Variants in CDC14A observed in about 807,000 individuals in gnomAD.
CDC14A encodes the protein dual specificity protein phosphatase CDC14A.
A neutral mutation model predicts 74.4 loss-of-function variants in CDC14A; 53 were observed. The ratio of observed to expected loss-of-function variants is 0.71; its 90% CI spans 0.57 to 0.89. The LOEUF is 0.89. Among genes scored for constraint, CDC14A ranks in the 40% least tolerant of loss-of-function variants. The pLI, the probability that CDC14A is intolerant of heterozygous loss-of-function variation, is 0.00. For synonymous variants in CDC14A, 247 were observed against 258.4 expected (o/e 0.96, Z 0.43); for missense variants, 646 against 713.7 (o/e 0.91, Z 1.08).
At chr1:100,351,726 G>C (rs1651029470), upstream of CDC14A, 5 of 1,549,530 alleles carry the variant, frequency 3.2e-6, no homozygotes, top group African/African-American at 4.1e-5. Context: ...GCTCACATTG[G>C]CGGCCCAGAT....
intron 15 of CDC14A, chr1:100,504,970 A>T: frequency 6.7e-7 from 1 of 1,498,510 alleles, no homozygotes; most frequent in East Asian, 2.5e-5. Context: ...TTAATACTTT[A>T]TTTTATCATG....
At chr1:100,362,860 A>G (rs948612538) in intron 2 of CDC14A, among the ~76,000 whole-genome samples, 7 of 152,316 alleles carry the variant, frequency 4.6e-5, no homozygotes, top group East Asian at 1.9e-4. Context: ...AAGATTAACA[A>G]TAGGTACACG....
chr1:100,406,739 G>A (rs1285378892), intron 4 of CDC14A, among the ~76,000 whole-genome samples: 2 of 151,990 alleles, frequency 1.3e-5, no homozygotes, highest in Admixed American at 6.6e-5. Flanking sequence ...GCCTGGCCAA[G>A]TGGTAAAACC....
intron 8 of CDC14A, among the ~76,000 whole-genome samples, chr1:100,460,017 G>A (rs1262089252): frequency 2.0e-5 from 3 of 152,194 alleles, no homozygotes; most frequent in African/African-American, 7.2e-5. Context: ...CAGCATGGGT[G>A]TTGGAATCTG....
chr1:100,504,543 A>G (rs2101461517), intron 15 of CDC14A, among the ~76,000 whole-genome samples: 1 of 152,362 alleles, frequency 6.6e-6, no homozygotes, highest in East Asian at 1.9e-4. Flanking sequence ...CTAATATTAA[A>G]TAAAACTTTA....
At chr1:100,412,696 T>TTATA (rs139550432) in intron 4 of CDC14A, among the ~76,000 whole-genome samples, 1,686 of 74,064 alleles carry the variant, frequency 0.023, 112 homozygotes, top group African/African-American at 0.069. Context: ...CCTGTATGTT[T>TTATA]TATATATATA....
intron 3 of CDC14A, among the ~76,000 whole-genome samples, chr1:100,385,939 A>G (rs1244525591): frequency 6.6e-6 from 1 of 152,104 alleles, no homozygotes; most frequent in Non-Finnish European, 1.5e-5. Flanking sequence ...GGTCGGGGTG[A>G]GCAGATCACT....
intron 10 of CDC14A, among the ~76,000 whole-genome samples, chr1:100,480,443 A>G (rs764687873): frequency 6.6e-6 from 1 of 152,188 alleles, no homozygotes; most frequent in Non-Finnish European, 1.5e-5. Context: ...GAATAATGCA[A>G]CTGTTCTGAA....
chr1:100,355,992 C>G (rs2100879490), intron 2 of CDC14A, among the ~76,000 whole-genome samples: 1 of 152,226 alleles, frequency 6.6e-6, no homozygotes, highest in East Asian at 1.9e-4. Context: ...TGGACAAGGT[C>G]TTATCAGGCA....
intron 6 of CDC14A, 21 bp downstream of exon 6, chr1:100,440,019 T>G: frequency 6.4e-7 from 1 of 1,565,220 alleles, no homozygotes; most frequent in Non-Finnish European, 8.8e-7. Flanking sequence ...TTCTCCTTGC[T>G]GTAGTTGACA....
chr1:100,394,430 T>C (rs988862655), intron 4 of CDC14A, among the ~76,000 whole-genome samples: 3 of 152,224 alleles, frequency 2.0e-5, no homozygotes, highest in Non-Finnish European at 4.4e-5. Context: ...TTCTTTCCTT[T>C]TTAACACCTA....
chr1:100,464,846 A>G (rs72974069), intron 9 of CDC14A, among the ~76,000 whole-genome samples: 1 of 151,872 alleles, frequency 6.6e-6, no homozygotes, highest in African/African-American at 2.4e-5. Context: ...TATTTTCTCT[A>G]TATCCTTGAC....
intron 4 of CDC14A, among the ~76,000 whole-genome samples, chr1:100,404,771 A>T (rs989550120): frequency 6.6e-6 from 1 of 152,210 alleles, no homozygotes. Flanking sequence ...CGGAGCTTGC[A>T]GTGAGCTGAG....
upstream of CDC14A, chr1:100,351,808 G>GGTAT (rs1404720678): frequency 5.8e-6 from 9 of 1,549,930 alleles, no homozygotes; most frequent in Admixed American, 1.2e-4. Context: ...ATCAGAGTCT[G>GGTAT]GTATGTGTAG....
At chr1:100,432,225 C>T (rs1274872838) in intron 5 of CDC14A, among the ~76,000 whole-genome samples, 4 of 152,230 alleles carry the variant, frequency 2.6e-5, no homozygotes, top group East Asian at 1.9e-4. Flanking sequence ...AATACAGTTT[C>T]GTCTTGTAGG....
At chr1:100,492,145 A>T (rs1440637703) in intron 11 of CDC14A, among the ~76,000 whole-genome samples, 1 of 152,210 alleles carries the variant, frequency 6.6e-6, no homozygotes, top group Non-Finnish European at 1.5e-5. Flanking sequence ...TAAGATTCAC[A>T]ATAGAATGAG....
chr1:100,442,153 T>C (rs1571202762), intron 6 of CDC14A, among the ~76,000 whole-genome samples: 1 of 113,126 alleles, frequency 8.8e-6, no homozygotes, highest in Admixed American at 8.8e-5. Flanking sequence ...GTGATAAAAA[T>C]ATGTTTTTTT....
chr1:100,349,943 C>T (rs1176483103), upstream of CDC14A, among the ~76,000 whole-genome samples: 3 of 150,770 alleles, frequency 2.0e-5, no homozygotes, highest in African/African-American at 4.9e-5. Flanking sequence ...CCACCACACC[C>T]GGCTAAGTTT....
chr1:100,361,366 A>C (rs1484656294), intron 2 of CDC14A, among the ~76,000 whole-genome samples: 1 of 152,218 alleles, frequency 6.6e-6, no homozygotes, highest in Admixed American at 6.5e-5. Context: ...CCAAAGCTGC[A>C]AATGTATGTG....
Sources: allele counts gnomAD v4.1 joint callset (sites outside exome capture counted in the v4.1 genomes callset), GRCh38; gene constraint gnomAD v4.1.1; transcripts MANE v1.5; gene names NCBI Gene and HGNC (gene_info 2026-07-23, HGNC 2026-07-21).